The following PPP2R5C variants were observed in gnomAD, a reference collection of about 807,000 sequenced individuals.
PPP2R5C encodes protein phosphatase 2 regulatory subunit B'gamma.
PPP2R5C carries 7 observed loss-of-function variants against 68.9 expected under a neutral mutation model. The ratio of observed to expected loss-of-function variants is 0.10; its 90% CI spans 0.06 to 0.19. The LOEUF (loss-of-function observed/expected upper bound fraction) is 0.19. PPP2R5C is among the 10% of genes least tolerant of loss of function. The pLI is 1.00. For synonymous variants in PPP2R5C, 210 were observed against 222.2 expected, an observed-to-expected ratio of 0.95 and a Z score of 0.49; for missense variants, 348 against 641.3, an observed-to-expected ratio of 0.54 and a Z score of 4.94.
At chr14:101,787,969 A>C (rs1454030572) in intron 3 of PPP2R5C, among the ~76,000 whole-genome samples, 2 of 152,152 alleles carry the variant, frequency 1.3e-5, no homozygotes, top group Non-Finnish European at 2.9e-5. Flanking sequence ...TGTGAAAGCT[A>C]TTCTAGGTAC....
chr14:101,905,793 C>A (rs1457960214), intron 9 of PPP2R5C, among the ~76,000 whole-genome samples: 1 of 152,196 alleles, frequency 6.6e-6, no homozygotes, highest in East Asian at 1.9e-4. Context: ...TGGTCCTCAG[C>A]CAGCCCCGTG....
At chr14:101,911,588 A>G (rs531795596) in intron 11 of PPP2R5C, among the ~76,000 whole-genome samples, 8 of 152,212 alleles carry the variant, frequency 5.3e-5, no homozygotes, top group Middle Eastern at 3.4e-3. Flanking sequence ...CTGGGTTGAA[A>G]AACTTGGATC....
intron 9 of PPP2R5C, among the ~76,000 whole-genome samples, chr14:101,905,061 T>C (rs2141055307): frequency 6.6e-6 from 1 of 152,282 alleles, no homozygotes; most frequent in Middle Eastern, 3.4e-3. Flanking sequence ...GTTTTAGTAA[T>C]AAAAATGGGG....
chr14:101,868,019 G>A (rs1566923067), intron 2 of PPP2R5C, among the ~76,000 whole-genome samples: 1 of 152,190 alleles, frequency 6.6e-6, no homozygotes, highest in Admixed American at 6.5e-5. Context: ...CCAGATGGGT[G>A]TCCTGTGCTT....
intron 1 of PPP2R5C, chr14:101,818,936 G>A (rs2039877126): frequency 7.4e-7 from 1 of 1,360,400 alleles, no homozygotes; most frequent in African/African-American, 1.5e-5. Flanking sequence ...TGAGCAATGT[G>A]TTCTAATTAT....
chr14:101,785,526 C>T (rs191335310), intron 2 of PPP2R5C, among the ~76,000 whole-genome samples: 2 of 152,288 alleles, frequency 1.3e-5, no homozygotes, highest in Admixed American at 6.5e-5. Flanking sequence ...TCTCTCTGAC[C>T]CCTGCTTTCA....
At chr14:101,837,364 C>T (rs530095802) in intron 1 of PPP2R5C, among the ~76,000 whole-genome samples, 1 of 152,180 alleles carries the variant, frequency 6.6e-6, no homozygotes, top group South Asian at 2.1e-4. Context: ...TCAGGCTAGT[C>T]CTCAACTCCC....
At chr14:101,897,778 A>G (rs1370078278) in intron 8 of PPP2R5C, among the ~76,000 whole-genome samples, 2 of 151,454 alleles carry the variant, frequency 1.3e-5, no homozygotes, top group Admixed American at 1.3e-4. Context: ...ATTAACTATC[A>G]CAGAGGTTTT....
rs192574565 is a variant in PPP2R5C at position 101,893,252 on chromosome 14, G to A, written c.798+144G>A. 478 of 563,506 alleles carry A rather than the reference G, an allele frequency of 8.5e-4. 3 individuals are homozygous for A. The highest frequency in any genetic ancestry group is 7.8e-3 in the African/African-American group (409 of 52,608). 34.9% of individuals were successfully genotyped at this position (563,506 alleles called of 1,614,324 possible). A position where few individuals can be genotyped will look rare whatever the true frequency, so the allele number is the denominator to read the frequency against. ...TGGTAACAAACTTCTGGTGATAATCGAAAGAATAAGGGGGTAAAGAGAGAT... is the reference window on the plus strand; with the variant it reads ...TGGTAACAAACTTCTGGTGATAATCAAAAGAATAAGGGGGTAAAGAGAGAT... On this transcript the variant is annotated intron_variant, in intron 7 of 13. Transcript: ENST00000334743.
upstream of PPP2R5C, chr14:101,761,755 G>A (rs1440381651): frequency 1.0e-6 from 1 of 972,768 alleles, no homozygotes; most frequent in Non-Finnish European, 1.2e-6. Flanking sequence ...AAGGGGAAGC[G>A]AGAGCAAGCG....
intron 1 of PPP2R5C, among the ~76,000 whole-genome samples, chr14:101,813,362 A>C (rs1235752815): frequency 1.3e-5 from 2 of 152,230 alleles, no homozygotes; most frequent in Non-Finnish European, 2.9e-5. Context: ...GGTCCAATAA[A>C]GCTTTATTGA....
chr14:101,828,996 T>G (rs1339851091), intron 1 of PPP2R5C, among the ~76,000 whole-genome samples: 3 of 152,234 alleles, frequency 2.0e-5, no homozygotes, highest in African/African-American at 7.2e-5. Context: ...ATATTCTTTT[T>G]CTTACCTCAA....
intron 1 of PPP2R5C, among the ~76,000 whole-genome samples, chr14:101,815,704 T>G (rs2039617206): frequency 6.6e-6 from 1 of 152,170 alleles, no homozygotes; most frequent in African/African-American, 2.4e-5. Context: ...GAGTCTCGCT[T>G]TGTCACCCAG....
intron 1 of PPP2R5C, among the ~76,000 whole-genome samples, chr14:101,855,051 T>C (rs2042344524): frequency 6.6e-6 from 1 of 152,058 alleles, no homozygotes; most frequent in Non-Finnish European, 1.5e-5. Flanking sequence ...ACATCTGTAG[T>C]CCCAATTACT....
intron 1 of PPP2R5C, among the ~76,000 whole-genome samples, chr14:101,826,534 A>G (rs1465549101): frequency 6.6e-6 from 1 of 152,144 alleles, no homozygotes. Flanking sequence ...TGATTACTGT[A>G]GCTCTGTTGT....
At position 101,890,352 on chromosome 14, in the gene PPP2R5C, T is replaced by C; in HGVS notation, c.689+56T>C. ...GTAGATGGAATTTATACCAGAGTGA[T>C]CCATTTCATTGAGTCCAGCTGCCCG... On this transcript the variant is annotated intron_variant, in intron 6 of 13. Transcript: ENST00000334743. The C allele has an allele frequency of 3.3e-6, 5 of 1,520,310 alleles. 1 individual carries two copies. In the South Asian group the frequency reaches 4.6e-5, roughly 14 times the overall value. 94.2% of individuals were successfully genotyped at this position (1,520,310 alleles called of 1,614,324 possible).
At chr14:101,830,502 C>T (rs1318496478) in intron 1 of PPP2R5C, among the ~76,000 whole-genome samples, 2 of 152,198 alleles carry the variant, frequency 1.3e-5, no homozygotes, top group Admixed American at 6.5e-5. Flanking sequence ...AAAATCCACC[C>T]GAGGTGGGGC....
At chr14:101,900,332 G>T (rs1186324698) in intron 8 of PPP2R5C, among the ~76,000 whole-genome samples, 2 of 152,146 alleles carry the variant, frequency 1.3e-5, no homozygotes, top group African/African-American at 4.8e-5. Flanking sequence ...TCACTGTAAT[G>T]ACTAAAAGGC....
At chr14:101,805,697 A>G (rs2039048078), upstream of PPP2R5C, among the ~76,000 whole-genome samples, 1 of 152,252 alleles carries the variant, frequency 6.6e-6, no homozygotes, top group Non-Finnish European at 1.5e-5. Flanking sequence ...ACTTCAGTGT[A>G]TGCCAATGGA....
Sources: gnomAD v4.1 joint callset for allele counts (sites outside exome capture counted in the v4.1 genomes callset) on GRCh38, gnomAD v4.1.1 for gene constraint, MANE v1.5 for transcripts, NCBI Gene and HGNC (gene_info 2026-07-23, HGNC 2026-07-21) for gene names.